ADAMTSL1: variants seen among roughly 807,000 people sequenced by gnomAD.
ADAMTSL1 encodes ADAMTS like 1.
In ADAMTSL1, 126 loss-of-function variants were observed where a neutral mutation model predicts 201.8. That is an observed-to-expected ratio of 0.62 (90% CI 0.54 to 0.72). The LOEUF is 0.72. Among genes scored for constraint, ADAMTSL1 ranks in the 30% least tolerant of loss-of-function variants. ADAMTSL1 has a pLI of 0.00. For synonymous variants in ADAMTSL1, 1,121 were observed against 903.4 expected, an observed-to-expected ratio of 1.24 and a Z score of -4.32; for missense variants, 2,679 against 2,277.8, an observed-to-expected ratio of 1.18 and a Z score of -3.59.
chr9:18,872,519 A>C (rs1299575511), intron 23 of ADAMTSL1, among the ~76,000 whole-genome samples: 4 of 152,142 alleles, frequency 2.6e-5, no homozygotes, highest in Non-Finnish European at 5.9e-5. Context: ...CCCAGAGTCC[A>C]TTGTATCATT....
chr9:18,894,073 G>T (rs1829462792), intron 26 of ADAMTSL1, among the ~76,000 whole-genome samples: 1 of 152,216 alleles, frequency 6.6e-6, no homozygotes, highest in Non-Finnish European at 1.5e-5. Flanking sequence ...TAGAAATGTG[G>T]CCTGGAAAGC....
chr9:18,756,076 AATATATAT>A (rs55717414), intron 16 of ADAMTSL1, among the ~76,000 whole-genome samples: 2,959 of 80,396 alleles, frequency 0.037, 170 homozygotes, highest in East Asian at 0.074. Flanking sequence ...CTCTACTGAA[AATATATAT>A]ATATATATAT....
chr9:18,775,602 C>T (rs1820928555), intron 17 of ADAMTSL1, 141 bp from the exon 18 acceptor site: 1 of 1,120,376 alleles, frequency 8.9e-7, no homozygotes, highest in East Asian at 2.6e-5. Context: ...CACATTGTGA[C>T]CTCATAATTA....
rs1434538084 is a variant in ADAMTSL1 at position 18,795,474 on chromosome 9, C to T, written c.3755C>T (p.Ala1252Val). The T allele has an allele frequency of 6.2e-7, 1 of 1,613,844 alleles. No individual in the cohort carries two copies. The highest frequency in any genetic ancestry group is 1.1e-5 in the South Asian group (1 of 91,080). Residue 1252 changes from alanine (A) to valine (V), a missense_variant, in exon 20 of 29, where the codon GCC (alanine) becomes GTC (valine). Coordinates refer to ENST00000380548, the MANE Select transcript of ADAMTSL1 (RefSeq NM_001040272.6). The part of the protein sequence containing the change: ...EADVGFYTCN[A>V]TNALGYDSVS... ...GATGTGGGTTTCTACACTTGCAATG[C>T]CACCAATGCCTTGGGATACGACTCT...
intron 2 of ADAMTSL1, among the ~76,000 whole-genome samples, chr9:18,445,915 C>A (rs1484878554): frequency 2.6e-5 from 4 of 152,008 alleles, no homozygotes; most frequent in Non-Finnish European, 5.9e-5. Context: ...TATTTGTAAA[C>A]ATTTTTATAT....
intron 1 of ADAMTSL1, among the ~76,000 whole-genome samples, chr9:17,915,154 C>G (rs929992805): frequency 6.6e-6 from 1 of 152,140 alleles, no homozygotes; most frequent in Non-Finnish European, 1.5e-5. Context: ...GAAGTTTCCT[C>G]ATTACCCTTT....
At chr9:18,258,567 C>T (rs1831786440) in intron 2 of ADAMTSL1, among the ~76,000 whole-genome samples, 1 of 151,914 alleles carries the variant, frequency 6.6e-6, no homozygotes, top group Non-Finnish European at 1.5e-5. Flanking sequence ...TCTCACCTAG[C>T]AGAGACAATC....
At chr9:18,906,587 T>C (rs1173733074) in intron 27 of ADAMTSL1, 105 bp from the exon 28 acceptor site, 2 of 949,058 alleles carry the variant, frequency 2.1e-6, no homozygotes, top group Admixed American at 2.9e-5. Flanking sequence ...CTGAAAGTTC[T>C]TGAGGAACCA....
chr9:18,762,981 T>C (rs1344476416), intron 16 of ADAMTSL1, among the ~76,000 whole-genome samples: 2 of 152,204 alleles, frequency 1.3e-5, no homozygotes, highest in South Asian at 4.1e-4. Context: ...AGAGCAGATA[T>C]CTCCCTGATA....
intron 1 of ADAMTSL1, among the ~76,000 whole-genome samples, chr9:18,481,877 T>C (rs1215058157): frequency 6.6e-6 from 1 of 152,216 alleles, no homozygotes; most frequent in East Asian, 1.9e-4. Flanking sequence ...TACCATTATG[T>C]GTGACCAATG....
At chr9:18,613,963 G>C (rs544903646) in intron 4 of ADAMTSL1, among the ~76,000 whole-genome samples, 1 of 152,308 alleles carries the variant, frequency 6.6e-6, no homozygotes, top group East Asian at 1.9e-4. Context: ...TTATTGAGAA[G>C]GTATTAATTT....
intron 2 of ADAMTSL1, among the ~76,000 whole-genome samples, chr9:18,285,224 G>T (rs545000389): frequency 6.6e-4 from 101 of 152,204 alleles, no homozygotes; most frequent in African/African-American, 2.3e-3. Flanking sequence ...TATCATATAT[G>T]CCAATTTTAT....
chr9:18,815,232 A>G (rs974672008), intron 20 of ADAMTSL1, among the ~76,000 whole-genome samples: 5 of 152,204 alleles, frequency 3.3e-5, no homozygotes, highest in African/African-American at 1.2e-4. Context: ...AAATGAAAAC[A>G]GTAATCAAAG....
chr9:18,430,271 A>T (rs774960604), intron 2 of ADAMTSL1, among the ~76,000 whole-genome samples: 1 of 152,200 alleles, frequency 6.6e-6, no homozygotes, highest in African/African-American at 2.4e-5. Flanking sequence ...AAAGTATCTA[A>T]GCATGTATTG....
rs189908228 is a variant in ADAMTSL1 at position 18,538,627 on chromosome 9, G to A, written c.237+5335G>A. 3.7e-4 allele frequency among the ~76,000 whole-genome samples: 56 copies of A among 152,284 alleles called. 1 individual carries two copies. In the East Asian group the frequency reaches 6.4e-3, roughly 17 times the overall value. On this transcript the variant is annotated intron_variant, in intron 3 of 28. Transcript: ENST00000380548. Reference sequence around the variant, plus strand: ...AGTCAGAGCAAAGAGAGTCAATGTGGAGAGTGGAAGCAAAGTTCTCATCCT... The same window carrying A: ...AGTCAGAGCAAAGAGAGTCAATGTGAAGAGTGGAAGCAAAGTTCTCATCCT...
chr9:18,220,562 G>A (rs1830218273), intron 2 of ADAMTSL1, among the ~76,000 whole-genome samples: 1 of 152,042 alleles, frequency 6.6e-6, no homozygotes, highest in Non-Finnish European at 1.5e-5. Context: ...AATCAAATAT[G>A]AGAATCTCTA....
chr9:18,149,460 G>T (rs1230812185), intron 1 of ADAMTSL1, among the ~76,000 whole-genome samples: 1 of 152,008 alleles, frequency 6.6e-6, no homozygotes, highest in Non-Finnish European at 1.5e-5. Context: ...TTACAATCTA[G>T]ATAATTGTAG....
intron 1 of ADAMTSL1, among the ~76,000 whole-genome samples, chr9:18,117,186 G>A (rs1204401572): frequency 6.6e-6 from 1 of 151,982 alleles, no homozygotes; most frequent in Non-Finnish European, 1.5e-5. Flanking sequence ...TTATTCTTTT[G>A]CCATTCTCTA....
intron 23 of ADAMTSL1, among the ~76,000 whole-genome samples, chr9:18,877,282 A>T (rs562333918): frequency 6.6e-6 from 1 of 151,982 alleles, no homozygotes; most frequent in African/African-American, 2.4e-5. Flanking sequence ...GTTCCTGGTG[A>T]GCCAGTGTGA....
Sources: allele counts gnomAD v4.1 joint callset (sites outside exome capture counted in the v4.1 genomes callset), GRCh38; gene constraint gnomAD v4.1.1; transcripts MANE v1.5; gene names NCBI Gene and HGNC (gene_info 2026-07-23, HGNC 2026-07-21).